The following AK6 variants were observed in gnomAD, a reference collection of about 807,000 sequenced individuals.
AK6 encodes adenylate kinase isoenzyme 6.
AK6 carries 24 observed loss-of-function variants against 23.7 expected under a neutral mutation model. That is an observed-to-expected ratio of 1.01 (90% CI 0.73 to 1.43). The LOEUF is 1.43. Ranked by LOEUF, AK6 falls within the 40% of genes most tolerant of loss-of-function variation. AK6 has a pLI of 0.00. For missense variants in AK6, 191 were observed against 199.1 expected, an observed-to-expected ratio of 0.96 and a Z score of 0.24; for synonymous variants, 73 against 69.8, an observed-to-expected ratio of 1.05 and a Z score of -0.23.
intron 2 of AK6, among the ~76,000 whole-genome samples, chr5:69,363,242 GT>G (rs1315701160): frequency 7.2e-5 from 11 of 152,076 alleles, no homozygotes; most frequent in Non-Finnish European, 1.6e-4. Flanking sequence ...AAATGAAATG[GT>G]TTAAGTACTG....
chr5:69,365,894 T>C, intron 2 of AK6: 1 of 529,724 alleles, frequency 1.9e-6, no homozygotes. Flanking sequence ...ATATGTTTTC[T>C]TAATTTTAAT....
In AK6 at chr5:69,351,998, C is replaced by A; in HGVS notation, c.*63G>T. ...TAATAAAGTGTTACTGACACTTGAA[C>A]AATTTCTATGATGTCGGCAGAGATA... On this transcript the variant is annotated 3_prime_UTR_variant, in exon 5 of 5. Transcript: ENST00000380822. The A allele has an allele frequency of 7.0e-7, 1 of 1,429,692 alleles. No homozygotes were observed. Among genetic ancestry groups the A allele is most frequent in the East Asian group, 2.3e-5 (1 of 43,622 alleles). 88.6% of individuals were successfully genotyped at this position (1,429,692 alleles called of 1,614,324 possible). A position where few individuals can be genotyped will look rare whatever the true frequency, so the allele number is the denominator to read the frequency against.
chr5:69,354,327 A>G (rs891640844), intron 4 of AK6, among the ~76,000 whole-genome samples: 1 of 152,212 alleles, frequency 6.6e-6, no homozygotes, highest in Non-Finnish European at 1.5e-5. Flanking sequence ...AAAAAAGATA[A>G]AAGTTTTAGG....
In AK6 at chr5:69,352,475, T is replaced by TCC. The variant is rs140559879; in HGVS notation, c.327-224_327-223dup. ...ACCAGCATCTAGGTTTGTTTGAATT[T>TCC]CCCCCCCCCACAATTTGTCAGCTAC... On this transcript the variant is annotated intron_variant, in intron 4 of 4. Transcript: ENST00000380822. 4.7e-3 allele frequency among the ~76,000 whole-genome samples: 710 copies of TCC among 150,104 alleles called. 3 individuals are homozygous for TCC. The highest frequency in any genetic ancestry group is 0.011 in the African/African-American group (432 of 40,828).
chr5:69,352,613 G>A (rs575271303), intron 4 of AK6, among the ~76,000 whole-genome samples: 3 of 152,244 alleles, frequency 2.0e-5, no homozygotes, highest in African/African-American at 7.2e-5. Flanking sequence ...ATTTCTCCAA[G>A]GAAGATACAC....
At chr5:69,363,641 G>A (rs1762302815) in intron 2 of AK6, among the ~76,000 whole-genome samples, 1 of 151,882 alleles carries the variant, frequency 6.6e-6, no homozygotes, top group South Asian at 2.1e-4. Context: ...AAAATTAGCT[G>A]GGCGTGGTGG....
chr5:69,357,403 C>A (rs1390305831), intron 2 of AK6, among the ~76,000 whole-genome samples: 1 of 152,162 alleles, frequency 6.6e-6, no homozygotes, highest in Admixed American at 6.5e-5. Context: ...ATACCACAAA[C>A]CCCAGATGGA....
intron 1 of AK6, among the ~76,000 whole-genome samples, chr5:69,368,131 A>C (rs1324311575): frequency 6.6e-6 from 1 of 152,220 alleles, no homozygotes; most frequent in Non-Finnish European, 1.5e-5. Flanking sequence ...TTCCCAAAGA[A>C]ACCCTATTTA....
intron 2 of AK6, among the ~76,000 whole-genome samples, chr5:69,366,096 T>G (rs1443768315): frequency 6.6e-6 from 1 of 152,214 alleles, no homozygotes; most frequent in Non-Finnish European, 1.5e-5. Context: ...TAAGATACCA[T>G]AGCATAGTCA....
chr5:69,366,039 T>C (rs4252230), intron 2 of AK6, among the ~76,000 whole-genome samples: 3 of 152,124 alleles, frequency 2.0e-5, no homozygotes, highest in Non-Finnish European at 2.9e-5. Context: ...ATAAAAACAA[T>C]GATCATCTTA....
Position 69,366,524 on chromosome 5 carries a change from C to T in AK6, c.100G>A (p.Val34Met). 1.9e-6 allele frequency: 3 copies of T among 1,613,990 alleles called. No homozygotes were observed. The highest frequency in any genetic ancestry group is 2.5e-6 in the Non-Finnish European group (3 of 1,179,968). The change falls in exon 2 of 5, where the codon GTG becomes ATG. Residue 34 changes from valine to methionine, a missense_variant. By Grantham distance (21) the Val-to-Met change is conservative. Coordinates refer to ENST00000380822, the MANE Select transcript of AK6 (RefSeq NM_016283.5). ...ASKSGLKYIN[V>M]GDLAREEQLY... ...TTACCTTCTCGAGCTAAATCACCCACATTAATGTATTTCAGTCCTGATTTT... is the reference window on the plus strand; with the variant it reads ...TTACCTTCTCGAGCTAAATCACCCATATTAATGTATTTCAGTCCTGATTTT...
At chr5:69,358,073 C>T (rs1198045510) in intron 2 of AK6, among the ~76,000 whole-genome samples, 1 of 152,044 alleles carries the variant, frequency 6.6e-6, no homozygotes, top group Non-Finnish European at 1.5e-5. Flanking sequence ...AAAACAAAAG[C>T]TTTGGAGTAT....
At chr5:69,362,680 G>A (rs1224152242) in intron 2 of AK6, among the ~76,000 whole-genome samples, 2 of 151,870 alleles carry the variant, frequency 1.3e-5, no homozygotes, top group Non-Finnish European at 2.9e-5. Flanking sequence ...CCGGGAGGCT[G>A]GGGTTGCAGT....
chr5:69,364,956 T>G (rs768657666), intron 2 of AK6: 2 of 1,611,026 alleles, frequency 1.2e-6, no homozygotes, highest in Non-Finnish European at 1.7e-6. Flanking sequence ...CAGATTATCA[T>G]AGTCATCATC....
At chr5:69,369,722 G>A, upstream of AK6, 1 of 1,549,808 alleles carries the variant, frequency 6.5e-7, no homozygotes, top group Non-Finnish European at 8.7e-7. Context: ...TCGGTACTTC[G>A]GGTCAGGCAG....
chr5:69,361,521 C>T (rs893200408), intron 2 of AK6, among the ~76,000 whole-genome samples: 2 of 152,124 alleles, frequency 1.3e-5, no homozygotes, highest in South Asian at 4.2e-4. Flanking sequence ...TCACTGCAAC[C>T]TCCACCTCCC....
At position 69,351,201 on chromosome 5, in the gene AK6, G is replaced by A. The variant is rs1761943433; in HGVS notation, c.*860C>T. 1 of 152,126 alleles carries A rather than the reference G, an allele frequency of 6.6e-6. No homozygotes were observed. The highest frequency in any genetic ancestry group is 1.5e-5 in the Non-Finnish European group (1 of 68,012). 9.4% of individuals were successfully genotyped at this position (152,126 alleles called of 1,614,324 possible). A position where few individuals can be genotyped will look rare whatever the true frequency, so the allele number is the denominator to read the frequency against. ...CCAACGGATTATAAATTTTATTTAT[G>A]TTTATTTTTAGAGTCTAAGGTCTCA... On this transcript the variant is annotated 3_prime_UTR_variant, in exon 5 of 5. Transcript: ENST00000380822.
chr5:69,365,256 G>A, intron 2 of AK6: 1 of 1,614,206 alleles, frequency 6.2e-7, no homozygotes, highest in Non-Finnish European at 8.5e-7. Context: ...TGTGCCTAGT[G>A]TGGGAGTACT....
intron 4 of AK6, among the ~76,000 whole-genome samples, chr5:69,353,282 T>C (rs1193919701): frequency 1.3e-5 from 2 of 151,976 alleles, no homozygotes; most frequent in Non-Finnish European, 2.9e-5. Context: ...GGGTATGGGG[T>C]TCCTTTCTGG....
Sources: allele counts gnomAD v4.1 joint callset (sites outside exome capture counted in the v4.1 genomes callset), GRCh38; gene constraint gnomAD v4.1.1; transcripts MANE v1.5; gene names NCBI Gene and HGNC (gene_info 2026-07-23, HGNC 2026-07-21).